Variants in UBXN7 observed in about 807,000 individuals in gnomAD.
The protein encoded by UBXN7 is UBX domain protein 7, also known as UBX domain-containing protein 7.
In UBXN7, 9 loss-of-function variants were observed where a neutral mutation model predicts 58.0. The observed-to-expected ratio is 0.16, with a 90% CI of 0.09 to 0.27. UBXN7 has a LOEUF of 0.27. UBXN7 is among the 10% of genes least tolerant of loss of function. The probability of loss-of-function intolerance (pLI) is 1.00; values close to 1 mark genes in which losing one functional copy is unlikely to be tolerated. For synonymous variants in UBXN7, 208 were observed against 205.0 expected (o/e 1.01, Z -0.12); for missense variants, 328 against 599.6 (o/e 0.55, Z 4.73).
chr3:196,385,750 G>A (rs1408985059), intron 5 of UBXN7, among the ~76,000 whole-genome samples: 2 of 150,572 alleles, frequency 1.3e-5, no homozygotes, highest in African/African-American at 4.9e-5. Flanking sequence ...TCAGGGAGGT[G>A]GGGGGCAGCC....
intron 5 of UBXN7, among the ~76,000 whole-genome samples, chr3:196,390,532 G>C (rs995138780): frequency 6.6e-6 from 1 of 152,104 alleles, no homozygotes; most frequent in Admixed American, 6.6e-5. Context: ...ATGAGGTCAG[G>C]AGTTTGAGAC....
At chr3:196,417,117 T>G (rs1050995282) in intron 1 of UBXN7, among the ~76,000 whole-genome samples, 27 of 151,950 alleles carry the variant, frequency 1.8e-4, no homozygotes, top group Non-Finnish European at 1.3e-4. Flanking sequence ...ATCGAGACCA[T>G]CCTGGCTAAC....
chr3:196,416,316 A>G (rs1730485438), intron 1 of UBXN7: 1 of 152,150 alleles, frequency 6.6e-6, no homozygotes, highest in Non-Finnish European at 1.5e-5. Flanking sequence ...GTGTAATCCC[A>G]GCTACTCGGG....
chr3:196,385,320 C>A (rs894564545), intron 5 of UBXN7, among the ~76,000 whole-genome samples: 4 of 152,212 alleles, frequency 2.6e-5, no homozygotes, highest in Admixed American at 6.5e-5. Context: ...GTTGCCCAGG[C>A]TGAAGTGCAG....
Position 196,389,767 on chromosome 3 carries a change from G to A in UBXN7, c.468+2046C>T, listed in dbSNP as rs76497386. Among the ~76,000 whole-genome samples, 79 of 152,204 alleles carry A rather than the reference G, an allele frequency of 5.2e-4. 2 individuals are homozygous for A. In the East Asian group the frequency reaches 0.013, roughly 25 times the overall value. ...TCTTTATAAATTGCCCAGTCTCAGG[G>A]ATTCCTTTCTAGCAATGCAAGCAAA... is the stretch of plus-strand genomic sequence containing the variant. On this transcript the variant is annotated intron_variant, in intron 5 of 10. Coordinates refer to ENST00000296328, the MANE Select transcript of UBXN7 (RefSeq NM_015562.2).
At chr3:196,432,157 C>G (rs1336184481) in intron 1 of UBXN7, 170 bp downstream of exon 1, 1 of 896,980 alleles carries the variant, frequency 1.1e-6, no homozygotes, top group Non-Finnish European at 1.8e-6. Context: ...GGCTGTCTCC[C>G]GCCTGAACCC....
chr3:196,427,871 A>G (rs914164860), intron 1 of UBXN7, among the ~76,000 whole-genome samples: 4 of 152,200 alleles, frequency 2.6e-5, no homozygotes, highest in African/African-American at 9.6e-5. Flanking sequence ...TCACGCCCAT[A>G]ATACCAGCAC....
Position 196,362,346 on chromosome 3 carries a change from C to G in UBXN7, c.1176G>C (p.Leu392=). ...QGLPAVDSEI[L]EMPPEKADGV... ...CATCTGCTTTTTCAGGTGGCATCTC[C>G]AGTATCTCTGAATCCACAGCTGGCA... Residue 392 remains leucine (L), a synonymous_variant, in exon 9 of 11, where the codon CTG becomes CTC. Transcript: ENST00000296328. 6.2e-7 allele frequency: 1 copy of G among 1,613,780 alleles called. No homozygotes were observed.
intron 3 of UBXN7, among the ~76,000 whole-genome samples, chr3:196,401,324 T>C (rs1329920098): frequency 2.0e-4 from 24 of 121,528 alleles, no homozygotes; most frequent in South Asian, 7.8e-4. Context: ...CACACACATA[T>C]ATATATATAC....
At position 196,362,295 on chromosome 3, in the gene UBXN7, A is replaced by G; in HGVS notation, c.1227T>C (p.Asn409=). The change falls in exon 9 of 11, where the codon AAT becomes AAC. Residue 409 remains asparagine (N), a splice_region_variant and synonymous_variant. Transcript: ENST00000296328. The part of the protein sequence containing the change: ...ADGVVEGIDV[N]GPKAQLMLRY... ...AAAGTATGTCTAAATGTAACTTACC[A>G]TTTACATCTATCCCCTCCACTACTC... 6.3e-7 allele frequency: 1 copy of G among 1,591,270 alleles called. No individual in the cohort carries two copies. Among genetic ancestry groups the G allele is most frequent in the Non-Finnish European group, 8.5e-7 (1 of 1,171,748 alleles).
At position 196,362,667 on chromosome 3, in the gene UBXN7, A is replaced by G. The variant is rs1560218514; in HGVS notation, c.855T>C (p.Ser285=). ...CARSESLIDA[S]EDSQLEAAIR... Reference sequence around the variant, plus strand: ...TGGCAGCTTCTAGCTGGCTGTCTTCACTTGCATCTATAAGGCTCTCCTGTG... The same window carrying G: ...TGGCAGCTTCTAGCTGGCTGTCTTCGCTTGCATCTATAAGGCTCTCCTGTG... Residue 285 remains serine, a synonymous_variant, in exon 9 of 11, where the codon AGT becomes AGC. Coordinates refer to ENST00000296328, the MANE Select transcript of UBXN7 (RefSeq NM_015562.2). 22 of 1,611,080 alleles carry G rather than the reference A, an allele frequency of 1.4e-5. No individual in the cohort carries two copies. Among genetic ancestry groups the G allele is most frequent in the Non-Finnish European group, 1.8e-5 (21 of 1,177,454 alleles).
At position 196,372,047 on chromosome 3, in the gene UBXN7, A is replaced by C. The variant is rs1192019025; in HGVS notation, c.469-5T>G. ...CATCTGGCCACACTCTTTGGCCTGC[A>C]AGAGTAAAGTTACACATTTGTTAGA... is the stretch of plus-strand genomic sequence containing the variant. On this transcript the variant is annotated splice_region_variant and splice_polypyrimidine_tract_variant and intron_variant, in intron 5 of 10. Coordinates refer to ENST00000296328, the MANE Select transcript of UBXN7 (RefSeq NM_015562.2). The C allele has an allele frequency of 6.3e-7, 1 of 1,591,458 alleles. No homozygotes were observed. Among genetic ancestry groups the C allele is most frequent in the Admixed American group, 1.8e-5 (1 of 54,906 alleles).
intron 2 of UBXN7, among the ~76,000 whole-genome samples, chr3:196,404,818 G>A (rs1025382967): frequency 1.3e-5 from 2 of 152,000 alleles, no homozygotes; most frequent in African/African-American, 4.8e-5. Context: ...AGAAACAGAC[G>A]ACACATCTAT....
At chr3:196,418,524 A>G (rs1209204536) in intron 1 of UBXN7, among the ~76,000 whole-genome samples, 1 of 152,218 alleles carries the variant, frequency 6.6e-6, no homozygotes, top group Non-Finnish European at 1.5e-5. Flanking sequence ...CAATGAAGAC[A>G]GCAAAAACCT....
Position 196,371,982 on chromosome 3 carries a change from C to G in UBXN7, c.529G>C (p.Asp177His). ...WLMINIQNVQ[D>H]FACQCLNRDV... ...CGGTTGAGGCACTGACATGCAAAGT[C>G]TTGAACATTTTGAATGTTTATCATC... Residue 177 changes from aspartate (D) to histidine (H), a missense_variant, in exon 6 of 11, where the codon GAC (aspartate) becomes CAC (histidine). Transcript: ENST00000296328. The G allele has an allele frequency of 6.2e-7, 1 of 1,613,570 alleles. No individual in the cohort carries two copies. Among genetic ancestry groups the G allele is most frequent in the Non-Finnish European group, 8.5e-7 (1 of 1,179,916 alleles).
At chr3:196,417,721 G>C (rs1347336746) in intron 1 of UBXN7, among the ~76,000 whole-genome samples, 1 of 20,270 alleles carries the variant, frequency 4.9e-5, no homozygotes, top group Non-Finnish European at 8.4e-5. Context: ...TGGGCAAAAT[G>C]GTTAAAAAAA....
intron 4 of UBXN7, among the ~76,000 whole-genome samples, chr3:196,393,280 G>T (rs904668743): frequency 2.6e-5 from 4 of 152,120 alleles, no homozygotes; most frequent in Non-Finnish European, 5.9e-5. Flanking sequence ...TTTTATTATA[G>T]TAAGCATTTT....
At chr3:196,388,366 G>A (rs930861708) in intron 5 of UBXN7, among the ~76,000 whole-genome samples, 2 of 151,664 alleles carry the variant, frequency 1.3e-5, no homozygotes, top group Admixed American at 1.3e-4. Context: ...GTTGATGGGT[G>A]CAGCAAACCA....
intron 5 of UBXN7, among the ~76,000 whole-genome samples, chr3:196,378,828 A>C (rs1729112951): frequency 6.9e-6 from 1 of 144,230 alleles, no homozygotes; most frequent in Admixed American, 6.9e-5. Flanking sequence ...GGTGGATTTT[A>C]GCCAGCTTCT....
Sources: gnomAD v4.1 joint callset for allele counts (sites outside exome capture counted in the v4.1 genomes callset) on GRCh38, gnomAD v4.1.1 for gene constraint, MANE v1.5 for transcripts, NCBI Gene and HGNC (gene_info 2026-07-23, HGNC 2026-07-21) for gene names.